Variants in CACNA1C observed in about 807,000 individuals in gnomAD.
CACNA1C encodes the protein voltage-dependent L-type calcium channel subunit alpha-1C.
In CACNA1C, 30 loss-of-function variants were observed where a neutral mutation model predicts 229.0. The ratio of observed to expected loss-of-function variants is 0.13; its 90% CI spans 0.10 to 0.18. The LOEUF (loss-of-function observed/expected upper bound fraction) is 0.18, where lower values mean the gene tolerates loss of function less well. CACNA1C is among the 10% of genes least tolerant of loss of function. The pLI, the probability that CACNA1C is intolerant of heterozygous loss-of-function variation, is 1.00. For missense variants in CACNA1C, 1,658 were observed against 2,845.0 expected, an observed-to-expected ratio of 0.58 and a Z score of 9.49; for synonymous variants, 1,114 against 1,132.5, an observed-to-expected ratio of 0.98 and a Z score of 0.33.
chr12:2,101,271 G>A lies in CACNA1C; in HGVS notation c.50-13953G>A, dbSNP rs1039287345. 1.9e-4 allele frequency among the ~76,000 whole-genome samples: 29 copies of A among 152,168 alleles called. 2 individuals are homozygous for A. Among genetic ancestry groups the A allele is most frequent in the Non-Finnish European group, 3.2e-4 (22 of 68,044 alleles). ...GACGAGTACCCAGGCGCAGAGCTTT[G>A]CCAGACTCTTGGATTAGTTCTCTCA... On this transcript the variant is annotated intron_variant, in intron 1 of 46. Transcript: ENST00000399655.
At chr12:2,305,611 A>G (rs1404795104) in intron 3 of CACNA1C, among the ~76,000 whole-genome samples, 2 of 152,202 alleles carry the variant, frequency 1.3e-5, no homozygotes, top group African/African-American at 4.8e-5. Flanking sequence ...TGGGAGGCTG[A>G]GGTGGGAGGA....
intron 38 of CACNA1C, among the ~76,000 whole-genome samples, chr12:2,673,421 G>T (rs537154988): frequency 6.8e-6 from 1 of 147,466 alleles, no homozygotes; most frequent in Non-Finnish European, 1.5e-5. Flanking sequence ...AGCCAAGATC[G>T]CGCCATTGCA....
At chr12:2,255,942 ACCC>A (rs1329751412) in intron 3 of CACNA1C, among the ~76,000 whole-genome samples, 21 of 152,342 alleles carry the variant, frequency 1.4e-4, no homozygotes, top group East Asian at 3.9e-4. Flanking sequence ...CAACCACACG[ACCC>A]TGACCTGACT....
At chr12:2,607,269 G>A (rs754561492) in intron 26 of CACNA1C, 139 bp downstream of exon 26, 3 of 806,410 alleles carry the variant, frequency 3.7e-6, no homozygotes, top group Non-Finnish European at 5.7e-6. Context: ...AGGCAGTGAG[G>A]TGTATTTCTA....
intron 42 of CACNA1C, chr12:2,682,143 T>C: frequency 1.3e-6 from 1 of 768,596 alleles, no homozygotes; most frequent in Non-Finnish European, 2.2e-6. Flanking sequence ...ACTTCTCAGC[T>C]ATGCCAAATG....
intron 29 of CACNA1C, among the ~76,000 whole-genome samples, chr12:2,624,575 T>A (rs1241685597): frequency 2.0e-5 from 3 of 152,268 alleles, no homozygotes; most frequent in South Asian, 2.1e-4. Context: ...TCAAAAATCG[T>A]ACGGAAACCT....
intron 7 of CACNA1C, among the ~76,000 whole-genome samples, chr12:2,496,235 G>A (rs2099746569): frequency 6.6e-6 from 1 of 152,206 alleles, no homozygotes; most frequent in Non-Finnish European, 1.5e-5. Flanking sequence ...ACCTCATGGT[G>A]CTGGTATGAT....
In CACNA1C at chr12:2,677,212, G is replaced by C; in HGVS notation, c.4947G>C (p.Leu1649=). ...LVGKPSQRNA[L]SLQAGLRTLH... ...GCAAGCCCTCCCAGAGGAACGCGCTGTCTCTGCAGGTGAGGGCCTGGGGGC... is the reference window on the plus strand; with the variant it reads ...GCAAGCCCTCCCAGAGGAACGCGCTCTCTCTGCAGGTGAGGGCCTGGGGGC... The change falls in exon 40 of 47, where the codon CTG becomes CTC. Residue 1649 remains leucine, a synonymous_variant. Transcript: ENST00000399655. This position sits in a 1 kb window ranked among gnomAD's most constrained non-coding sequence, Gnocchi z 7.4. 6.2e-7 allele frequency: 1 copy of C among 1,613,652 alleles called. No homozygotes were observed. The highest frequency in any genetic ancestry group is 2.2e-5 in the East Asian group (1 of 44,872).
rs572375183 is a variant in CACNA1C, at chr12:2,652,078, C to CA, written c.4074+313dup. Reference sequence around the variant, plus strand: ...TCTTTCTGCACAAGAATTTACTGGACAAAGGGGTTTTGTGGTAAGGAACAA... The same window carrying CA: ...TCTTTCTGCACAAGAATTTACTGGACAAAAGGGGTTTTGTGGTAAGGAACAA... On this transcript the variant is annotated intron_variant, in intron 32 of 46. Coordinates refer to ENST00000399655, the MANE Select transcript of CACNA1C (RefSeq NM_000719.7). 1.6e-4 allele frequency among the ~76,000 whole-genome samples: 25 copies of CA among 152,288 alleles called. No individual in the cohort carries two copies. In the East Asian group the frequency reaches 4.6e-3, roughly 28 times the overall value.
rs560027258 is a variant in CACNA1C, at chr12:2,384,948, A to G, written c.478-64028A>G. On this transcript the variant is annotated intron_variant, in intron 3 of 46. Transcript: ENST00000399655. ...TCGGCTTTATTAGACGCCATCTGGAAAGGGGCTGGGAGTGGTCAGCCTCAG... is the reference window on the plus strand; with the variant it reads ...TCGGCTTTATTAGACGCCATCTGGAGAGGGGCTGGGAGTGGTCAGCCTCAG... 5.3e-5 allele frequency among the ~76,000 whole-genome samples: 8 copies of G among 152,338 alleles called. 1 individual carries two copies. In the East Asian group the frequency reaches 1.5e-3, roughly 29 times the overall value.
At chr12:2,577,872 T>G (rs989837324) in intron 13 of CACNA1C, among the ~76,000 whole-genome samples, 1 of 27,086 alleles carries the variant, frequency 3.7e-5, no homozygotes, top group Non-Finnish European at 1.3e-4. Context: ...TAATTATTCT[T>G]TTTTTTTTTT....
chr12:2,283,496 G>A (rs141641906), intron 3 of CACNA1C, among the ~76,000 whole-genome samples: 2 of 152,132 alleles, frequency 1.3e-5, no homozygotes, highest in Non-Finnish European at 2.9e-5. Context: ...CAGGGACAGG[G>A]CATTATTGCC....
chr12:2,574,086 A>C (rs1282059086), intron 13 of CACNA1C, among the ~76,000 whole-genome samples: 2 of 152,280 alleles, frequency 1.3e-5, no homozygotes, highest in East Asian at 3.9e-4. Context: ...TTTCAAGACA[A>C]AAAAAAGGCC....
intron 4 of CACNA1C, among the ~76,000 whole-genome samples, chr12:2,454,898 G>A (rs976834690): frequency 3.9e-5 from 6 of 152,142 alleles, no homozygotes; most frequent in South Asian, 2.1e-4. Context: ...CCACAACCAC[G>A]CGTCTATGCT....
chr12:2,535,704 TAAAAAAAAAAA>T lies in CACNA1C; in HGVS notation c.1391-14220_1391-14210del, dbSNP rs758857733. On this transcript the variant is annotated intron_variant, in intron 9 of 46. Coordinates refer to ENST00000399655, the MANE Select transcript of CACNA1C (RefSeq NM_000719.7). ...CTGGGTGACAGAGCAAGACCCTGTC[TAAAAAAAAAAA>T]AAAAAAAAAAAAAAAAAACCTAAAA... Among the ~76,000 whole-genome samples, 231 of 36,564 alleles carry T rather than the reference TAAAAAAAAAAA, an allele frequency of 6.3e-3. 4 individuals are homozygous for T. Among genetic ancestry groups the T allele is most frequent in the African/African-American group, 0.019 (212 of 11,352 alleles). The allele number at this position is 36,564 out of a possible 152,430, so 24.0% of individuals were successfully genotyped here.
chr12:2,451,084 A>G (rs2099365062), intron 4 of CACNA1C, among the ~76,000 whole-genome samples: 1 of 152,136 alleles, frequency 6.6e-6, no homozygotes, highest in Non-Finnish European at 1.5e-5. Context: ...CCTCAGGAAT[A>G]TTTGGGTGAT....
At chr12:2,563,092 T>G (rs1233723322) in intron 11 of CACNA1C, among the ~76,000 whole-genome samples, 1 of 152,216 alleles carries the variant, frequency 6.6e-6, no homozygotes, top group African/African-American at 2.4e-5. Context: ...TTCAATTGCT[T>G]TAATTTTTAG....
intron 1 of CACNA1C, chr12:1,997,801 T>C (rs2041293099): frequency 1.3e-6 from 1 of 753,830 alleles, no homozygotes; most frequent in African/African-American, 1.8e-5. Flanking sequence ...TGTCAACTAA[T>C]AATTTCAAAA....
chr12:2,523,401 G>A (rs74481870), intron 9 of CACNA1C, among the ~76,000 whole-genome samples: 1,650 of 152,288 alleles, frequency 0.011, 13 homozygotes, highest in Non-Finnish European at 0.019. Context: ...CTGGCTTAGA[G>A]GAGGGTGTTG....
Sources: allele counts gnomAD v4.1 joint callset (sites outside exome capture counted in the v4.1 genomes callset), GRCh38; gene constraint gnomAD v4.1.1; non-coding constraint Gnocchi (gnomAD v3.1); transcripts MANE v1.5; gene names NCBI Gene and HGNC (gene_info 2026-07-23, HGNC 2026-07-21).